The following ZFHX3 variants were observed in gnomAD, a reference collection of about 807,000 sequenced individuals.
ZFHX3 encodes zinc finger homeobox 3.
ZFHX3 carries 42 observed loss-of-function variants against 279.1 expected under a neutral mutation model. The observed-to-expected ratio is 0.15, with a 90% CI of 0.12 to 0.19. ZFHX3 has a LOEUF of 0.19. ZFHX3 is among the 10% of genes least tolerant of loss of function. The pLI, the probability that ZFHX3 is intolerant of heterozygous loss-of-function variation, is 1.00. For synonymous variants in ZFHX3, 2,293 were observed against 1,957.8 expected (o/e 1.17, Z -4.52); for missense variants, 4,981 against 4,754.0 (o/e 1.05, Z -1.40).
At chr16:73,569,419 A>T (rs1230490227) in intron 2 of ZFHX3, among the ~76,000 whole-genome samples, 1 of 152,050 alleles carries the variant, frequency 6.6e-6, no homozygotes, top group Non-Finnish European at 1.5e-5. Context: ...CTGCCCTAAA[A>T]ACTCCGAAAG....
At chr16:73,112,715 C>CA (rs56149570) in intron 7 of ZFHX3, among the ~76,000 whole-genome samples, 17,743 of 30,172 alleles carry the variant, frequency 0.59, 6,879 homozygotes, top group Middle Eastern at 0.72. Flanking sequence ...GACTCCATCT[C>CA]AAAAAAAAAA....
chr16:72,787,538 C>T lies in ZFHX3; in HGVS notation c.10738G>A (p.Asp3580Asn), dbSNP rs371324694. ...SLLPHSACFP[D>N]PSTASTSQSA... ...TGCGAGGTAGATGCGGTGCTAGGAT[C>T]GGGGAAGCAGGCAGAGTGAGGTAAT... The change falls in exon 10 of 10, where the codon GAT becomes AAT. Residue 3580 changes from aspartate (D) to asparagine (N), a missense_variant. Asp to Asn is a conservative substitution (Grantham distance 23). This residue lies in a region of ZFHX3 where 1,034 missense variants were observed against 786.0 expected (regional missense o/e 1.32). Coordinates refer to ENST00000268489, the MANE Select transcript of ZFHX3 (RefSeq NM_006885.4). 11 of 1,613,944 alleles carry T rather than the reference C, an allele frequency of 6.8e-6. No individual in the cohort carries two copies. The highest frequency in any genetic ancestry group is 1.7e-4 in the Middle Eastern group (1 of 6,058).
At chr16:73,854,592 G>A (rs1019004697) in intron 1 of ZFHX3, among the ~76,000 whole-genome samples, 1 of 151,626 alleles carries the variant, frequency 6.6e-6, no homozygotes, top group Non-Finnish European at 1.5e-5. Context: ...TGAATATATA[G>A]AATTAGACTA....
At chr16:72,990,541 G>A (rs1963042590) in intron 1 of ZFHX3, among the ~76,000 whole-genome samples, 1 of 152,188 alleles carries the variant, frequency 6.6e-6, no homozygotes, top group African/African-American at 2.4e-5. Flanking sequence ...AGACCTTGCT[G>A]TAGCTGCTGA....
At chr16:73,871,562 C>T (rs1156701163) in intron 1 of ZFHX3, among the ~76,000 whole-genome samples, 2 of 152,016 alleles carry the variant, frequency 1.3e-5, no homozygotes, top group Admixed American at 1.3e-4. Context: ...ACCACAGCCC[C>T]TTGGTGCTTT....
chr16:73,798,472 C>T (rs1960058098), intron 1 of ZFHX3, among the ~76,000 whole-genome samples: 1 of 151,680 alleles, frequency 6.6e-6, no homozygotes, highest in Non-Finnish European at 1.5e-5. Flanking sequence ...AGATACCCCC[C>T]AAAAAAAGGA....
At position 72,959,306 on chromosome 16, in the gene ZFHX3, G is replaced by A; in HGVS notation, c.840C>T (p.Pro280=). Reference sequence around the variant, plus strand: ...GTTTGCACAAGAAACACATCAGGATGGGCTTCCTCTTGCCATAGAGCACAA... The same window carrying A: ...GTTTGCACAAGAAACACATCAGGATAGGCTTCCTCTTGCCATAGAGCACAA... The part of the protein sequence containing the change: ...DGFVLYGKRK[P]ILMCFLCKLS... Residue 280 remains proline (P), a synonymous_variant, in exon 2 of 10, where the codon CCC becomes CCT. Coordinates refer to ENST00000268489, the MANE Select transcript of ZFHX3 (RefSeq NM_006885.4). 6.2e-7 allele frequency: 1 copy of A among 1,614,222 alleles called. No individual in the cohort carries two copies. Among genetic ancestry groups the A allele is most frequent in the Non-Finnish European group, 8.5e-7 (1 of 1,180,046 alleles).
chr16:72,922,058 G>C (rs555361989), intron 3 of ZFHX3, among the ~76,000 whole-genome samples: 67 of 152,294 alleles, frequency 4.4e-4, no homozygotes, highest in Non-Finnish European at 9.0e-4. Context: ...CTGCAGCACG[G>C]TAGGCACGCC....
chr16:73,795,441 G>A (rs1247799886), intron 1 of ZFHX3, among the ~76,000 whole-genome samples: 2 of 152,160 alleles, frequency 1.3e-5, no homozygotes, highest in Non-Finnish European at 2.9e-5. Context: ...GTCTTCATTG[G>A]TTTTCGATGA....
intron 1 of ZFHX3, among the ~76,000 whole-genome samples, chr16:73,725,774 T>A (rs2053513835): frequency 6.6e-6 from 1 of 152,126 alleles, no homozygotes; most frequent in Non-Finnish European, 1.5e-5. Flanking sequence ...CTTTCCCCTT[T>A]AAACCATGAG....
intron 2 of ZFHX3, among the ~76,000 whole-genome samples, chr16:73,550,142 G>A (rs974991942): frequency 6.6e-6 from 1 of 152,104 alleles, no homozygotes; most frequent in Non-Finnish European, 1.5e-5. Flanking sequence ...GTGAGGCCAG[G>A]TCCCCCAGGA....
intron 2 of ZFHX3, among the ~76,000 whole-genome samples, chr16:73,647,169 C>A (rs897417904): frequency 6.6e-6 from 1 of 152,192 alleles, no homozygotes; most frequent in East Asian, 1.9e-4. Context: ...CCTGCCACCA[C>A]AGGCAGCTAA....
At chr16:73,117,810 G>C (rs919861979) in intron 7 of ZFHX3, among the ~76,000 whole-genome samples, 2 of 152,140 alleles carry the variant, frequency 1.3e-5, no homozygotes, top group African/African-American at 2.4e-5. Flanking sequence ...TATAAAAAAG[G>C]CCTGAGAGAG....
At chr16:72,968,073 G>A (rs1157903983) in intron 1 of ZFHX3, among the ~76,000 whole-genome samples, 1 of 150,910 alleles carries the variant, frequency 6.6e-6, no homozygotes, top group African/African-American at 2.4e-5. Flanking sequence ...CACCTTCATT[G>A]AGTGATCAAA....
intron 2 of ZFHX3, among the ~76,000 whole-genome samples, chr16:73,552,085 A>G (rs530444531): frequency 1.3e-5 from 2 of 152,308 alleles, no homozygotes; most frequent in Admixed American, 1.3e-4. Context: ...ACAGTCATGT[A>G]TCTTTTACTC....
intron 2 of ZFHX3, among the ~76,000 whole-genome samples, chr16:73,675,787 C>G (rs964133430): frequency 7.2e-5 from 11 of 151,922 alleles, no homozygotes; most frequent in African/African-American, 2.4e-4. Context: ...TCACAAATAT[C>G]TAGGCATAGA....
At chr16:73,298,342 G>T (rs1382047767) in intron 4 of ZFHX3, among the ~76,000 whole-genome samples, 1 of 151,450 alleles carries the variant, frequency 6.6e-6, no homozygotes, top group Non-Finnish European at 1.5e-5. Flanking sequence ...GTGCCACCAT[G>T]CCCGGCTAAT....
intron 7 of ZFHX3, among the ~76,000 whole-genome samples, chr16:73,100,723 G>A (rs556435177): frequency 2.6e-4 from 39 of 152,006 alleles, no homozygotes; most frequent in African/African-American, 7.2e-4. Context: ...TCAACCTCCC[G>A]AGTAGCTGGG....
intron 4 of ZFHX3, among the ~76,000 whole-genome samples, chr16:73,287,837 T>C (rs2014667029): frequency 6.7e-6 from 1 of 148,882 alleles, no homozygotes; most frequent in Non-Finnish European, 1.5e-5. Context: ...GCTGTGTGGG[T>C]TGGTGAGTGG....
Sources: allele counts gnomAD v4.1 joint callset (sites outside exome capture counted in the v4.1 genomes callset), GRCh38; gene constraint gnomAD v4.1.1; regional missense constraint gnomAD v4.1.1; transcripts MANE v1.5; gene names NCBI Gene and HGNC (gene_info 2026-07-23, HGNC 2026-07-21).